The following KRR1 variants were observed in gnomAD, a reference collection of about 807,000 sequenced individuals.
KRR1 encodes KRR1 small subunit processome component homolog.
A neutral mutation model predicts 50.0 loss-of-function variants in KRR1; 23 were observed. The ratio of observed to expected loss-of-function variants is 0.46; its 90% CI spans 0.33 to 0.65. The LOEUF is 0.65. KRR1 is among the 30% of genes least tolerant of loss of function. The pLI is 0.02. For missense variants in KRR1, 419 were observed against 442.4 expected (o/e 0.95, Z 0.47); for synonymous variants, 133 against 146.3 (o/e 0.91, Z 0.66).
chr12:75,502,066 G>C, intron 7 of KRR1, 66 bp from the exon 8 acceptor site: 4 of 1,267,536 alleles, frequency 3.2e-6, no homozygotes, highest in Non-Finnish European at 3.4e-6. Flanking sequence ...TCCTAAGCAA[G>C]TCACAATATC....
Position 75,498,465 on chromosome 12 carries a change from T to C in KRR1, c.*1344A>G. ...TGATTTTCCATTTATAGTAATGGTATAGTTTCCTTTTTATAAAAGGTTTAT... is the reference window on the plus strand; with the variant it reads ...TGATTTTCCATTTATAGTAATGGTACAGTTTCCTTTTTATAAAAGGTTTAT... On this transcript the variant is annotated 3_prime_UTR_variant, in exon 10 of 10. Transcript: ENST00000229214. The C allele has an allele frequency of 4.5e-6, 2 of 442,496 alleles. No individual in the cohort carries two copies. The highest frequency in any genetic ancestry group is 8.0e-6 in the Non-Finnish European group (2 of 251,140). 27.4% of individuals were successfully genotyped at this position (442,496 alleles called of 1,614,324 possible).
intron 9 of KRR1, chr12:75,500,370 C>CATTTAAAA (rs2046383664): frequency 6.6e-6 from 1 of 152,062 alleles, no homozygotes; most frequent in African/African-American, 2.4e-5. Flanking sequence ...TACATGTATC[C>CATTTAAAA]CTTCTCAATA....
In KRR1 at chr12:75,495,457, ACT is replaced by A; in HGVS notation, c.*4350_*4351del. ...CTTCCTGTCTTCACTTCTATTACCAACTCTCTGGACCTTTGTACTTCACTCCA... is the reference window on the plus strand; with the variant it reads ...CTTCCTGTCTTCACTTCTATTACCAACTCTGGACCTTTGTACTTCACTCCA... On this transcript the variant is annotated 3_prime_UTR_variant, in exon 10 of 10. Coordinates refer to ENST00000229214, the MANE Select transcript of KRR1 (RefSeq NM_007043.7). The A allele has an allele frequency of 1.7e-6, 1 of 603,594 alleles. No homozygotes were observed. The highest frequency in any genetic ancestry group is 2.1e-5 in the South Asian group (1 of 48,002). The allele number at this position is 603,594 out of a possible 1,614,324, so 37.4% of individuals were successfully genotyped here.
intron 1 of KRR1, among the ~76,000 whole-genome samples, chr12:75,510,974 A>G (rs1419626257): frequency 6.6e-6 from 1 of 152,216 alleles, no homozygotes; most frequent in Non-Finnish European, 1.5e-5. Flanking sequence ...TAACAATTAA[A>G]AGGTAACACA....
chr12:75,500,478 TGAATA>T (rs1269357411), intron 9 of KRR1: 1 of 115,274 alleles, frequency 8.7e-6, no homozygotes, highest in South Asian at 3.0e-4. Flanking sequence ...CAATATTAAT[TGAATA>T]TTCAATGAAT....
chr12:75,491,619 G>T lies in KRR1; in HGVS notation c.*8190C>A, dbSNP rs1052596479. 7 of 151,906 alleles carry T rather than the reference G, an allele frequency of 4.6e-5. No individual in the cohort carries two copies. The highest frequency in any genetic ancestry group is 2.1e-4 in the South Asian group (1 of 4,822). 9.4% of individuals were successfully genotyped at this position (151,906 alleles called of 1,614,324 possible). A position where few individuals can be genotyped will look rare whatever the true frequency, so the allele number is the denominator to read the frequency against. Reference sequence around the variant, plus strand: ...ATTTGTATTTCACCATCAGTACTAGGTATTATAATTTCTTAGTATTTTCTA... The same window carrying T: ...ATTTGTATTTCACCATCAGTACTAGTTATTATAATTTCTTAGTATTTTCTA... On this transcript the variant is annotated 3_prime_UTR_variant, in exon 10 of 10. Coordinates refer to ENST00000229214, the MANE Select transcript of KRR1 (RefSeq NM_007043.7).
chr12:75,509,421 G>C (rs1199416266), intron 1 of KRR1, among the ~76,000 whole-genome samples: 1 of 152,008 alleles, frequency 6.6e-6, no homozygotes, highest in African/African-American at 2.4e-5. Flanking sequence ...ATTACCCTAT[G>C]TTAGCAGCCT....
chr12:75,510,037 C>G (rs1419423132), intron 1 of KRR1, among the ~76,000 whole-genome samples: 1 of 152,020 alleles, frequency 6.6e-6, no homozygotes, highest in Non-Finnish European at 1.5e-5. Flanking sequence ...AGCCTCAAAA[C>G]ATGTGAAAAG....
At position 75,499,813 on chromosome 12, in the gene KRR1, T is replaced by C. The variant is rs140273898; in HGVS notation, c.1142A>G (p.Lys381Arg). Residue 381 changes from lysine (K) to arginine (R), a missense_variant, in exon 10 of 10, where the codon AAG (lysine) becomes AGG (arginine). By Grantham distance (26) the Lys-to-Arg change is conservative. Coordinates refer to ENST00000229214, the MANE Select transcript of KRR1 (RefSeq NM_007043.7). The part of the protein sequence containing the change: ...EADEKKKKKK[K>R] Reference sequence around the variant, plus strand: ...AGTCAAGGAGTTTTGGGTATGTTACTTTTTTTTCTTCTTTTTCTTTTCATC... The same window carrying C: ...AGTCAAGGAGTTTTGGGTATGTTACCTTTTTTTCTTCTTTTTCTTTTCATC... 1.6e-5 allele frequency: 26 copies of C among 1,592,800 alleles called. No individual in the cohort carries two copies. The African/African-American group carries it at 3.4e-4, about 21-fold the overall frequency.
In KRR1 at chr12:75,496,970, A is replaced by T. The variant is rs571669932; in HGVS notation, c.*2839T>A. 2 of 152,222 alleles carry T rather than the reference A, an allele frequency of 1.3e-5. No homozygotes were observed. Among genetic ancestry groups the T allele is most frequent in the Non-Finnish European group, 2.9e-5 (2 of 68,050 alleles). The allele number at this position is 152,222 out of a possible 1,614,324, so 9.4% of individuals were successfully genotyped here. ...TGAAGAAAAGTAACATGTAGCCACA[A>T]TGCAGATAATATCAAGGTATCAATG... On this transcript the variant is annotated 3_prime_UTR_variant, in exon 10 of 10. Coordinates refer to ENST00000229214, the MANE Select transcript of KRR1 (RefSeq NM_007043.7).
intron 1 of KRR1, among the ~76,000 whole-genome samples, chr12:75,510,950 T>G (rs529160081): frequency 6.6e-6 from 1 of 152,316 alleles, no homozygotes; most frequent in East Asian, 1.9e-4. Flanking sequence ...AAAACCAGAC[T>G]ACAACGCAGG....
In KRR1 at chr12:75,499,309, A is replaced by AACATTATT. The variant is rs2046373697; in HGVS notation, c.*492_*499dup. The AACATTATT allele has an allele frequency of 5.5e-6, 1 of 181,530 alleles. No homozygotes were observed. The highest frequency in any genetic ancestry group is 1.1e-5 in the Non-Finnish European group (1 of 88,316). 11.2% of individuals were successfully genotyped at this position (181,530 alleles called of 1,614,324 possible). On this transcript the variant is annotated 3_prime_UTR_variant, in exon 10 of 10. Transcript: ENST00000229214. ...ACTCCAGTAGCCTTCATTAGTTAAA[A>AACATTATT]ACATTATTATTTTTTGCATGCTGCT...
At chr12:75,503,844 T>G in intron 7 of KRR1, 60 bp downstream of exon 7, 1 of 1,442,348 alleles carries the variant, frequency 6.9e-7, no homozygotes, top group Middle Eastern at 2.3e-4. Flanking sequence ...CAATAAAGTT[T>G]CTGACCAAAT....
In KRR1 at chr12:75,497,074, A is replaced by G. The variant is rs1784219378; in HGVS notation, c.*2735T>C. 6.6e-6 allele frequency: 1 copy of G among 152,224 alleles called. No homozygotes were observed. Among genetic ancestry groups the G allele is most frequent in the African/African-American group, 2.4e-5 (1 of 41,458 alleles). 9.4% of individuals were successfully genotyped at this position (152,224 alleles called of 1,614,324 possible). Reference sequence around the variant, plus strand: ...CTTCCTTCCAAATTAACCAGTATACATAAGGGCTAAAACTATGGATTTCAG... The same window carrying G: ...CTTCCTTCCAAATTAACCAGTATACGTAAGGGCTAAAACTATGGATTTCAG... On this transcript the variant is annotated 3_prime_UTR_variant, in exon 10 of 10. Coordinates refer to ENST00000229214, the MANE Select transcript of KRR1 (RefSeq NM_007043.7).
chr12:75,507,137 G>A (rs566378804), intron 2 of KRR1, among the ~76,000 whole-genome samples: 25 of 152,126 alleles, frequency 1.6e-4, no homozygotes, highest in Admixed American at 5.2e-4. Flanking sequence ...TTTACCCTTG[G>A]TTTTAGAATA....
Position 75,508,328 on chromosome 12 carries a change from CCTGTATTTTGGGAA to C in KRR1, c.190_203del (p.Phe64GlyfsTer17). 6.2e-7 allele frequency: 1 copy of C among 1,613,498 alleles called. No individual in the cohort carries two copies. On this transcript the variant is annotated frameshift_variant, in exon 2 of 10. Transcript: ENST00000229214. LOFTEE classifies it high-confidence loss of function. ...GCCAACACTCTTTCAAGTAAGCTTCCCTGTATTTTGGGAACAAAGTTGCGAAACTGCTCTCCTCC... is the reference window on the plus strand; with the variant it reads ...GCCAACACTCTTTCAAGTAAGCTTCCCAAAGTTGCGAAACTGCTCTCCTCC...
Position 75,499,698 on chromosome 12 carries a change from C to CAAA in KRR1, c.*108_*110dup. On this transcript the variant is annotated 3_prime_UTR_variant, in exon 10 of 10. Coordinates refer to ENST00000229214, the MANE Select transcript of KRR1 (RefSeq NM_007043.7). Reference sequence around the variant, plus strand: ...CTCTTCTATGAACAACCACCACCACCAAAAAAAAAAAAAGCCCTCAGAAAA... The same window carrying CAAA: ...CTCTTCTATGAACAACCACCACCACCAAAAAAAAAAAAAAAAGCCCTCAGAAAA... 1.8e-6 allele frequency: 1 copy of CAAA among 563,666 alleles called. No homozygotes were observed. Among genetic ancestry groups the CAAA allele is most frequent in the Non-Finnish European group, 2.8e-6 (1 of 354,502 alleles). 34.9% of individuals were successfully genotyped at this position (563,666 alleles called of 1,614,324 possible).
At position 75,493,418 on chromosome 12, in the gene KRR1, G is replaced by A. The variant is rs914251528; in HGVS notation, c.*6391C>T. 1 of 152,090 alleles carries A rather than the reference G, an allele frequency of 6.6e-6. No homozygotes were observed. Among genetic ancestry groups the A allele is most frequent in the Non-Finnish European group, 1.5e-5 (1 of 68,038 alleles). The allele number at this position is 152,090 out of a possible 1,614,324, so 9.4% of individuals were successfully genotyped here. ...TCTGATACCTCAGAATGGGGTCTGG[G>A]ATGCTTAATCTTCCAGTTGCCTGTA... is the stretch of plus-strand genomic sequence containing the variant. On this transcript the variant is annotated 3_prime_UTR_variant, in exon 10 of 10. Transcript: ENST00000229214.
intron 1 of KRR1, among the ~76,000 whole-genome samples, chr12:75,510,351 A>G (rs1295877156): frequency 2.0e-5 from 3 of 152,326 alleles, no homozygotes; most frequent in South Asian, 2.1e-4. Context: ...AGTATTGTTT[A>G]TAATTGCAAG....
Sources: allele counts gnomAD v4.1 joint callset (sites outside exome capture counted in the v4.1 genomes callset), GRCh38; gene constraint gnomAD v4.1.1; transcripts MANE v1.5; gene names NCBI Gene and HGNC (gene_info 2026-07-23, HGNC 2026-07-21).